The following DNAH9 variants were observed in gnomAD, a reference collection of about 807,000 sequenced individuals.
DNAH9 encodes DNAH9 variant protein.
Under a neutral mutation model 471.6 loss-of-function variants are expected in DNAH9, and 345 were observed. The observed-to-expected ratio is 0.73, with a 90% CI of 0.67 to 0.80. The LOEUF is 0.80. Among genes scored for constraint, DNAH9 ranks in the 30% least tolerant of loss-of-function variants. The pLI is 0.00. For synonymous variants in DNAH9, 2,093 were observed against 2,123.6 expected, an observed-to-expected ratio of 0.99 and a Z score of 0.40; for missense variants, 5,407 against 5,609.2, an observed-to-expected ratio of 0.96 and a Z score of 1.15.
intron 14 of DNAH9, 122 bp downstream of exon 14, chr17:11,653,124 G>A: frequency 1.8e-6 from 2 of 1,093,076 alleles, no homozygotes; most frequent in South Asian, 1.6e-5. Context: ...GACAAGGATA[G>A]AAGTTTAGGC....
chr17:11,821,987 C>T lies in DNAH9; in HGVS notation c.8775C>T (p.Val2925=), dbSNP rs759298148. The change falls in exon 46 of 69, where the codon GTC becomes GTT. Residue 2925 remains valine, a synonymous_variant. Transcript: ENST00000262442. ...TCATAAGCAATGTGAGGAATGAAGT[C>T]AAGAGCCAGGGTCTGGTTGACAACA... The part of the protein sequence containing the change: ...ENIISNVRNE[V]KSQGLVDNRE... The T allele has an allele frequency of 6.2e-7, 1 of 1,614,100 alleles. No homozygotes were observed. The highest frequency in any genetic ancestry group is 8.5e-7 in the Non-Finnish European group (1 of 1,180,008).
At chr17:11,701,088 G>T in intron 23 of DNAH9, 34 bp from the exon 24 acceptor site, 1 of 1,613,288 alleles carries the variant, frequency 6.2e-7, no homozygotes, top group South Asian at 1.1e-5. Flanking sequence ...AAACTTCTCA[G>T]GCACCCAGTG....
rs536019345 is a variant in DNAH9, at chr17:11,880,351, A to G, written c.10601+151A>G. ...CACATCCACCTTTCTTTCTTCCAGC[A>G]GAGGTCTATTTAGTGGCCTTTGTTT... On this transcript the variant is annotated intron_variant, in intron 54 of 68. Coordinates refer to ENST00000262442, the MANE Select transcript of DNAH9 (RefSeq NM_001372.4). 26 of 1,058,766 alleles carry G rather than the reference A, an allele frequency of 2.5e-5. No individual in the cohort carries two copies. The East Asian group carries it at 6.7e-4, about 27-fold the overall frequency. The allele number at this position is 1,058,766 out of a possible 1,614,324, so 65.6% of individuals were successfully genotyped here.
chr17:11,836,332 T>C (rs1390053609), intron 49 of DNAH9, among the ~76,000 whole-genome samples: 1 of 152,172 alleles, frequency 6.6e-6, no homozygotes, highest in Non-Finnish European at 1.5e-5. Flanking sequence ...AATCCTATTA[T>C]AGATGGTTAT....
At chr17:11,860,256 G>A (rs1245884899) in intron 50 of DNAH9, among the ~76,000 whole-genome samples, 1 of 152,000 alleles carries the variant, frequency 6.6e-6, no homozygotes, top group Non-Finnish European at 1.5e-5. Flanking sequence ...TCTTTCTCTT[G>A]CATTAGTTCC....
chr17:11,679,916 G>C lies in DNAH9; in HGVS notation c.3513G>C (p.Gln1171His). ...ATGAGATGTTTGAGCCCTTAAAGCA[G>C]ACTATTGAATTGCTGAAGACCTATG... ...NTDEMFEPLK[Q>H]TIELLKTYEQ... is the part of the protein sequence containing the mutation. Residue 1171 changes from glutamine to histidine, a missense_variant, in exon 18 of 69, where the codon CAG (glutamine) becomes CAC (histidine). This residue lies in a region of DNAH9 where 4,636 missense variants were observed against 4,900.3 expected (regional missense o/e 0.95). Coordinates refer to ENST00000262442, the MANE Select transcript of DNAH9 (RefSeq NM_001372.4). 2.5e-6 allele frequency: 4 copies of C among 1,614,124 alleles called. No individual in the cohort carries two copies. Among genetic ancestry groups the C allele is most frequent in the Non-Finnish European group, 3.4e-6 (4 of 1,180,012 alleles).
At chr17:11,954,962 A>C (rs1975564159) in intron 67 of DNAH9, among the ~76,000 whole-genome samples, 1 of 152,178 alleles carries the variant, frequency 6.6e-6, no homozygotes, top group African/African-American at 2.4e-5. Flanking sequence ...AAATAATAAA[A>C]ATTTACTGTG....
At chr17:11,800,255 C>T (rs1456530982) in intron 43 of DNAH9, among the ~76,000 whole-genome samples, 1 of 151,932 alleles carries the variant, frequency 6.6e-6, no homozygotes, top group Non-Finnish European at 1.5e-5. Context: ...CCTACAACTT[C>T]AGTTCATGAA....
intron 48 of DNAH9, 68 bp downstream of exon 48, chr17:11,823,102 A>C: frequency 9.2e-6 from 12 of 1,300,682 alleles, no homozygotes; most frequent in Non-Finnish European, 1.1e-5. Flanking sequence ...CTTTCCAGTG[A>C]ACTGGAGGGA....
chr17:11,615,602 A>G (rs1050266449), intron 4 of DNAH9, among the ~76,000 whole-genome samples: 2 of 152,016 alleles, frequency 1.3e-5, no homozygotes, highest in Non-Finnish European at 2.9e-5. Context: ...AAAGAAAAAA[A>G]AAAGGTATGA....
At chr17:11,883,813 T>C (rs1972801783) in intron 56 of DNAH9, 63 bp downstream of exon 56, 2 of 1,543,130 alleles carry the variant, frequency 1.3e-6, no homozygotes, top group Non-Finnish European at 1.8e-6. Context: ...CAATTTTCTC[T>C]CCTCTTAGAC....
intron 31 of DNAH9, among the ~76,000 whole-genome samples, chr17:11,745,327 C>T (rs2075505722): frequency 6.6e-6 from 1 of 152,114 alleles, no homozygotes; most frequent in Admixed American, 6.6e-5. Flanking sequence ...GTTTGGTGTA[C>T]CTCAGCCTGA....
chr17:11,829,841 A>G (rs1465563147), intron 48 of DNAH9, among the ~76,000 whole-genome samples: 1 of 152,232 alleles, frequency 6.6e-6, no homozygotes, highest in Non-Finnish European at 1.5e-5. Context: ...TTATTTTTCT[A>G]TAGCTGAATT....
intron 35 of DNAH9, among the ~76,000 whole-genome samples, chr17:11,761,222 AAAATATAAAG>A (rs1967652609): frequency 6.6e-6 from 1 of 152,204 alleles, no homozygotes; most frequent in Non-Finnish European, 1.5e-5. Context: ...TAGTCCAGTG[AAAATATAAAG>A]AAACAAACTC....
At chr17:11,845,251 C>T (rs1297588827) in intron 49 of DNAH9, among the ~76,000 whole-genome samples, 11 of 112,964 alleles carry the variant, frequency 9.7e-5, no homozygotes, top group African/African-American at 2.8e-4. Context: ...TGAGAATATG[C>T]GGTGTTTGGT....
intron 27 of DNAH9, among the ~76,000 whole-genome samples, chr17:11,720,776 A>G (rs1005917319): frequency 2.6e-5 from 4 of 152,176 alleles, no homozygotes; most frequent in Non-Finnish European, 5.9e-5. Context: ...CGTGTTAAGT[A>G]AACAAAGCAA....
At chr17:11,782,615 G>A (rs1317958665) in intron 39 of DNAH9, among the ~76,000 whole-genome samples, 1 of 152,180 alleles carries the variant, frequency 6.6e-6, no homozygotes, top group African/African-American at 2.4e-5. Context: ...TGCATAAACA[G>A]GCTGGGTGCA....
intron 49 of DNAH9, among the ~76,000 whole-genome samples, chr17:11,838,686 C>A (rs2150956922): frequency 6.6e-6 from 1 of 152,248 alleles, no homozygotes; most frequent in Admixed American, 6.5e-5. Context: ...AATTAACAGT[C>A]CATCCGTCAC....
chr17:11,651,210 A>T lies in DNAH9; in HGVS notation c.2239A>T (p.Asn747Tyr). The change falls in exon 13 of 69, where the codon AAC becomes TAC. Residue 747 changes from asparagine (N) to tyrosine (Y), a missense_variant. This residue lies in a region of DNAH9 where 4,636 missense variants were observed against 4,900.3 expected (regional missense o/e 0.95). Coordinates refer to ENST00000262442, the MANE Select transcript of DNAH9 (RefSeq NM_001372.4). ...TTTAGAGTTGATGGCAAATTGGTAC[A>T]ACAAGGTTATGAAAACTCTGCTGGA... ...ANLELMANWYNKVMKTLLEVE... is the reference protein window; with the variant it reads ...ANLELMANWYYKVMKTLLEVE... 1 of 1,614,100 alleles carries T rather than the reference A, an allele frequency of 6.2e-7. No individual in the cohort carries two copies. The highest frequency in any genetic ancestry group is 8.5e-7 in the Non-Finnish European group (1 of 1,179,996).
Sources: allele counts gnomAD v4.1 joint callset (sites outside exome capture counted in the v4.1 genomes callset), GRCh38; gene constraint gnomAD v4.1.1; regional missense constraint gnomAD v4.1.1; transcripts MANE v1.5; gene names NCBI Gene and HGNC (gene_info 2026-07-23, HGNC 2026-07-21).